PCLO: variants seen among roughly 807,000 people sequenced by gnomAD.
PCLO encodes the protein piccolo presynaptic cytomatrix protein.
In PCLO, 82 loss-of-function variants were observed where a neutral mutation model predicts 427.5. The ratio of observed to expected loss-of-function variants is 0.19; its 90% confidence interval spans 0.16 to 0.23. The LOEUF (loss-of-function observed/expected upper bound fraction) is 0.23. Among genes scored for constraint, PCLO ranks in the 10% least tolerant of loss-of-function variants. The pLI is 1.00. For synonymous variants in PCLO, 2,357 were observed against 2,155.4 expected (o/e 1.09, Z -2.59); for missense variants, 6,239 against 6,115.9 (o/e 1.02, Z -0.67).
At chr7:82,762,201 A>G (rs564780941) in intron 22 of PCLO, among the ~76,000 whole-genome samples, 1 of 152,112 alleles carries the variant, frequency 6.6e-6, no homozygotes, top group South Asian at 2.1e-4. Context: ...TCTGAAGTAT[A>G]GAAGTATGGT....
chr7:82,900,695 T>C (rs1794016972), intron 9 of PCLO, among the ~76,000 whole-genome samples: 1 of 151,696 alleles, frequency 6.6e-6, no homozygotes, highest in Admixed American at 6.6e-5. Context: ...AATTGGATCC[T>C]GGACCAGAAA....
chr7:82,933,542 G>T (rs1339340441), intron 6 of PCLO, among the ~76,000 whole-genome samples: 2 of 151,774 alleles, frequency 1.3e-5, no homozygotes, highest in Non-Finnish European at 2.9e-5. Context: ...ACAAATGCAG[G>T]GCTCACTGGC....
chr7:82,789,779 A>T (rs1289315093), intron 22 of PCLO, among the ~76,000 whole-genome samples: 3 of 152,208 alleles, frequency 2.0e-5, no homozygotes. Flanking sequence ...TCTTTAAAGT[A>T]CTATATTGTC....
At chr7:83,035,794 T>G (rs1788779563) in intron 3 of PCLO, among the ~76,000 whole-genome samples, 1 of 152,176 alleles carries the variant, frequency 6.6e-6, no homozygotes, top group Non-Finnish European at 1.5e-5. Context: ...AATTAACATC[T>G]ATTCTGTCCT....
chr7:83,025,862 TA>T (rs1788481109), intron 3 of PCLO, among the ~76,000 whole-genome samples: 1 of 151,856 alleles, frequency 6.6e-6, no homozygotes, highest in Non-Finnish European at 1.5e-5. Flanking sequence ...CTAAGCTTCA[TA>T]AGTGAAGGAG....
chr7:82,948,834 G>A (rs1312764833), intron 6 of PCLO, among the ~76,000 whole-genome samples: 2 of 152,166 alleles, frequency 1.3e-5, no homozygotes, highest in African/African-American at 4.8e-5. Context: ...GTTTACCTGA[G>A]TTTAGATTAA....
chr7:82,810,754 A>G (rs1791552414), intron 20 of PCLO, among the ~76,000 whole-genome samples: 1 of 151,708 alleles, frequency 6.6e-6, no homozygotes, highest in Non-Finnish European at 1.5e-5. Context: ...CTTTGACTGC[A>G]CATCTGTCTT....
chr7:83,044,271 T>C (rs1789050321), intron 3 of PCLO, among the ~76,000 whole-genome samples: 1 of 152,134 alleles, frequency 6.6e-6, no homozygotes, highest in African/African-American at 2.4e-5. Flanking sequence ...CCTCCACACA[T>C]GGCGATTACA....
chr7:83,102,463 C>A (rs1023320061), intron 3 of PCLO, among the ~76,000 whole-genome samples: 1 of 151,902 alleles, frequency 6.6e-6, no homozygotes, highest in Non-Finnish European at 1.5e-5. Flanking sequence ...ACCATCCCTG[C>A]CACAACACAC....
At chr7:83,038,045 ATATATCTTTATATATATATT>A (rs1788862263) in intron 3 of PCLO, among the ~76,000 whole-genome samples, 9 of 35,204 alleles carry the variant, frequency 2.6e-4, no homozygotes, top group African/African-American at 2.0e-3. Flanking sequence ...ATATTTATAT[ATATATCTTTATATATATATT>A]TATATATTTA....
intron 22 of PCLO, among the ~76,000 whole-genome samples, chr7:82,792,163 C>G (rs1442978203): frequency 6.6e-6 from 1 of 151,862 alleles, no homozygotes; most frequent in African/African-American, 2.4e-5. Context: ...ATTGTAATAC[C>G]TACTACTGAA....
In PCLO at chr7:82,954,357, G is replaced by T; in HGVS notation, c.6596C>A (p.Pro2199His). The T allele has an allele frequency of 6.2e-7, 1 of 1,613,856 alleles. No individual in the cohort carries two copies. The highest frequency in any genetic ancestry group is 8.5e-7 in the Non-Finnish European group (1 of 1,179,820). Residue 2199 changes from proline to histidine, a missense_variant, in exon 5 of 25, where the codon CCC (proline) becomes CAC (histidine). Physicochemically the swap from Pro to His is moderately conservative, Grantham distance 77. Transcript: ENST00000333891. The part of the protein sequence containing the change: ...SSVCTTDSSS[P>H]ITTLDSITTV... ...GGTTATGCTATCCAGGGTAGTAATGGGTGAAGAGCTATCTGTGGTACAGAC... is the reference window on the plus strand; with the variant it reads ...GGTTATGCTATCCAGGGTAGTAATGTGTGAAGAGCTATCTGTGGTACAGAC...
At chr7:82,908,143 C>T (rs537414303) in intron 8 of PCLO, among the ~76,000 whole-genome samples, 2 of 152,116 alleles carry the variant, frequency 1.3e-5, no homozygotes, top group South Asian at 4.1e-4. Flanking sequence ...GATTAAAGGC[C>T]ACTTGGCTTA....
chr7:83,138,787 T>C (rs1158159889), intron 2 of PCLO, among the ~76,000 whole-genome samples: 2 of 139,494 alleles, frequency 1.4e-5, no homozygotes, highest in African/African-American at 5.4e-5. Context: ...TGAGAACACA[T>C]GGACACAGGG....
intron 10 of PCLO, among the ~76,000 whole-genome samples, chr7:82,873,179 GTTTTTTTTTTTT>G (rs59328364): frequency 2.7e-5 from 3 of 110,126 alleles, no homozygotes; most frequent in African/African-American, 1.1e-4. Context: ...TATTCTGTAA[GTTTTTTTTTTTT>G]TTTTTTTTTG....
At chr7:83,095,389 TTTTA>T (rs1416414081) in intron 3 of PCLO, among the ~76,000 whole-genome samples, 1 of 151,964 alleles carries the variant, frequency 6.6e-6, no homozygotes, top group African/African-American at 2.4e-5. Flanking sequence ...AAGTTCCTTG[TTTTA>T]TTGATTTTTC....
chr7:82,925,159 C>T (rs1794684273), intron 6 of PCLO, among the ~76,000 whole-genome samples: 1 of 152,106 alleles, frequency 6.6e-6, no homozygotes, highest in Admixed American at 6.6e-5. Context: ...CGCTCTGCTC[C>T]TGGCCATTCA....
At chr7:83,019,591 G>A (rs1294097061) in intron 3 of PCLO, among the ~76,000 whole-genome samples, 1 of 151,956 alleles carries the variant, frequency 6.6e-6, no homozygotes, top group African/African-American at 2.4e-5. Context: ...GAGGTCAACA[G>A]AGGCACTCTC....
intron 3 of PCLO, among the ~76,000 whole-genome samples, chr7:83,116,714 T>C (rs968048475): frequency 6.6e-6 from 1 of 152,174 alleles, no homozygotes; most frequent in African/African-American, 2.4e-5. Context: ...CACCATGTTA[T>C]AGAATAAAAG....
Sources: gnomAD v4.1 joint callset for allele counts (sites outside exome capture counted in the v4.1 genomes callset) on GRCh38, gnomAD v4.1.1 for gene constraint, MANE v1.5 for transcripts, NCBI Gene and HGNC (gene_info 2026-07-23, HGNC 2026-07-21) for gene names.